Variants in RBFOX1 observed in about 807,000 individuals in gnomAD.
The protein encoded by RBFOX1 is RNA binding fox-1 homolog 1.
A neutral mutation model predicts 57.7 loss-of-function variants in RBFOX1; 8 were observed. The ratio of observed to expected loss-of-function variants is 0.14; its 90% confidence interval spans 0.08 to 0.25. The LOEUF is 0.25. RBFOX1 is among the 10% of genes least tolerant of loss of function. The pLI, the probability that RBFOX1 is intolerant of heterozygous loss-of-function variation, is 1.00. For missense variants in RBFOX1, 611 were observed against 548.5 expected, an observed-to-expected ratio of 1.11 and a Z score of -1.14; for synonymous variants, 326 against 222.4, an observed-to-expected ratio of 1.47 and a Z score of -4.15.
chr16:6,629,619 A>T (rs1395629212), intron 2 of RBFOX1, among the ~76,000 whole-genome samples: 1 of 152,092 alleles, frequency 6.6e-6, no homozygotes, highest in Non-Finnish European at 1.5e-5. Context: ...TTCTTAGAGT[A>T]TTGGGAGAGA....
chr16:6,739,167 A>C (rs2071310225), intron 3 of RBFOX1, among the ~76,000 whole-genome samples: 1 of 152,110 alleles, frequency 6.6e-6, no homozygotes, highest in African/African-American at 2.4e-5. Context: ...AATTGAAAAC[A>C]GAAAAACAAG....
chr16:6,673,382 G>C (rs925440257), intron 3 of RBFOX1, among the ~76,000 whole-genome samples: 2 of 152,184 alleles, frequency 1.3e-5, no homozygotes, highest in Non-Finnish European at 2.9e-5. Context: ...GAGGTCAGGA[G>C]TTTGAGACCA....
chr16:7,125,760 A>G (rs534818224), intron 4 of RBFOX1, among the ~76,000 whole-genome samples: 92 of 152,258 alleles, frequency 6.0e-4, no homozygotes, highest in African/African-American at 2.1e-3. Flanking sequence ...TGTGAGGCCA[A>G]GGATATGACT....
chr16:6,743,609 G>A (rs1327457715), intron 3 of RBFOX1, among the ~76,000 whole-genome samples: 7 of 151,554 alleles, frequency 4.6e-5, no homozygotes. Context: ...TGAGCATGGT[G>A]GTGCATGTCT....
intron 3 of RBFOX1, among the ~76,000 whole-genome samples, chr16:6,978,443 C>G (rs1409416112): frequency 6.6e-6 from 1 of 152,042 alleles, no homozygotes. Context: ...AGTTATAAGC[C>G]CTTGGTGCAT....
Position 5,778,406 on chromosome 16 carries a change from C to T in RBFOX1, c.319-88897C>T, listed in dbSNP as rs575456571. On this transcript the variant is annotated intron_variant, in intron 3 of 19. Transcript: ENST00000641259. ...GACTGGCTTCACCCCTAGTCCTTCA[C>T]CTGGTTCACAATCTGATGGGCTTCA... Among the ~76,000 whole-genome samples, 8 of 152,270 alleles carry T rather than the reference C, an allele frequency of 5.3e-5. No homozygotes were observed. The East Asian group carries it at 1.5e-3, about 29-fold the overall frequency.
chr16:7,512,235 C>T (rs1420489158), intron 4 of RBFOX1, among the ~76,000 whole-genome samples: 1 of 152,178 alleles, frequency 6.6e-6, no homozygotes, highest in Non-Finnish European at 1.5e-5. Flanking sequence ...CTTCAGCTTC[C>T]AACCCAGGAG....
chr16:6,143,959 C>CCACATATATATATATATA lies in RBFOX1; in HGVS notation c.-127+123967_-127+123968insCACATATATATATATATA, dbSNP rs71404590. Among the ~76,000 whole-genome samples the CCACATATATATATATATA allele has an allele frequency of 6.6e-4, 92 of 139,976 alleles. 2 individuals are homozygous for CCACATATATATATATATA. The highest frequency in any genetic ancestry group is 2.4e-3 in the African/African-American group (86 of 35,650). 91.8% of individuals were successfully genotyped at this position (139,976 alleles called of 152,430 possible). ...TGCAGGTGTGCAACACCATACTCAG[C>CCACATATATATATATATA]TATATATATATATATATATATATCT... On this transcript the variant is annotated intron_variant, in intron 1 of 15. Transcript: ENST00000550418.
chr16:7,166,009 C>G (rs2079436318), intron 4 of RBFOX1, among the ~76,000 whole-genome samples: 1 of 151,016 alleles, frequency 6.6e-6, no homozygotes, highest in South Asian at 2.1e-4. Flanking sequence ...AGTGCATAGT[C>G]TATTTTTGTT....
At chr16:6,716,848 T>C (rs111846528) in intron 3 of RBFOX1, among the ~76,000 whole-genome samples, 42 of 152,190 alleles carry the variant, frequency 2.8e-4, no homozygotes, top group African/African-American at 9.2e-4. Flanking sequence ...GTGAGTGTAA[T>C]AAACTGAATG....
At chr16:6,382,543 C>G (rs911352423) in intron 2 of RBFOX1, among the ~76,000 whole-genome samples, 1 of 152,128 alleles carries the variant, frequency 6.6e-6, no homozygotes. Flanking sequence ...TGAGGAGAAG[C>G]CTAGCTTCAT....
chr16:5,550,751 C>T (rs1386072), intron 2 of RBFOX1, among the ~76,000 whole-genome samples: 1 of 152,098 alleles, frequency 6.6e-6, no homozygotes, highest in Middle Eastern at 3.4e-3. Flanking sequence ...TTTCTGAATA[C>T]GGACATGAGA....
Position 7,496,296 on chromosome 16 carries a change from C to G in RBFOX1, c.28-21851C>G, listed in dbSNP as rs151262794. On this transcript the variant is annotated intron_variant, in intron 4 of 15. Transcript: ENST00000550418. ...TAGCTGGAATTACAGGCATGTGCCA[C>G]CACATCTGTCTAATTTTTGTATTTT... 4.1e-4 allele frequency among the ~76,000 whole-genome samples: 63 copies of G among 152,282 alleles called. 1 individual carries two copies. In the East Asian group the frequency reaches 0.012, roughly 28 times the overall value.
intron 2 of RBFOX1, among the ~76,000 whole-genome samples, chr16:5,497,055 C>T (rs996476080): frequency 2.0e-5 from 3 of 152,032 alleles, no homozygotes; most frequent in South Asian, 2.1e-4. Context: ...CTTTCACAAT[C>T]GTTTTTTATC....
intron 10 of RBFOX1, among the ~76,000 whole-genome samples, chr16:7,612,320 C>CAAAAAAAGAAAA (rs2057661258): frequency 1.4e-5 from 1 of 71,478 alleles, no homozygotes; most frequent in African/African-American, 6.5e-5. Context: ...GACTCCATCT[C>CAAAAAAAGAAAA]AAAAAAAAAA....
chr16:6,435,389 C>A (rs922092655), intron 2 of RBFOX1, among the ~76,000 whole-genome samples: 1 of 150,938 alleles, frequency 6.6e-6, no homozygotes. Context: ...CAGCCTCTGC[C>A]TCCCGCATTA....
At chr16:7,159,930 A>C (rs987333542) in intron 4 of RBFOX1, among the ~76,000 whole-genome samples, 2 of 152,172 alleles carry the variant, frequency 1.3e-5, no homozygotes, top group African/African-American at 4.8e-5. Flanking sequence ...ATTTTATTAT[A>C]CCTTTGTTTT....
intron 1 of RBFOX1, among the ~76,000 whole-genome samples, chr16:6,094,801 C>T (rs970589126): frequency 6.6e-5 from 10 of 152,302 alleles, no homozygotes; most frequent in Admixed American, 2.0e-4. Flanking sequence ...TGGTGGCTCA[C>T]GCCTGTAATC....
intron 1 of RBFOX1, among the ~76,000 whole-genome samples, chr16:5,354,927 G>T (rs546199220): frequency 3.9e-5 from 6 of 152,114 alleles, no homozygotes; most frequent in Admixed American, 2.0e-4. Flanking sequence ...AGCTAAGGGC[G>T]CCTGAGGGTG....
Sources: allele counts gnomAD v4.1 joint callset (sites outside exome capture counted in the v4.1 genomes callset), GRCh38; gene constraint gnomAD v4.1.1; transcripts MANE v1.5; gene names NCBI Gene and HGNC (gene_info 2026-07-23, HGNC 2026-07-21).